Variants in SH2D4B observed in about 807,000 individuals in gnomAD.
SH2D4B encodes the protein SH2 domain-containing protein 4B.
In SH2D4B, 45 loss-of-function variants were observed where a neutral mutation model predicts 61.5. The observed-to-expected ratio is 0.73, with a 90% CI of 0.58 to 0.94. SH2D4B has a LOEUF of 0.94. Among genes scored for constraint, SH2D4B ranks in the 40% least tolerant of loss-of-function variants. The pLI is 0.00. For missense variants in SH2D4B, 572 were observed against 574.2 expected (o/e 1.00, Z 0.04); for synonymous variants, 224 against 220.4 (o/e 1.02, Z -0.14).
intron 1 of SH2D4B, among the ~76,000 whole-genome samples, chr10:80,556,832 A>T (rs1390697726): frequency 6.6e-6 from 1 of 152,194 alleles, no homozygotes; most frequent in African/African-American, 2.4e-5. Context: ...GTAAATGATT[A>T]TGTCATATGC....
chr10:80,538,270 T>G lies in SH2D4B; in HGVS notation c.-62T>G. ...GTAGTGCAGAGCAGCCCCTCGGGCG[T>G]TCTGCCTGGCCCTGCTTCCCCTGCT... On this transcript the variant is annotated 5_prime_UTR_variant, in exon 1 of 8. Transcript: ENST00000646907. The surrounding 1 kb of genome is among the most constrained non-coding windows in gnomAD (Gnocchi z 4.8). 1 of 1,268,404 alleles carries G rather than the reference T, an allele frequency of 7.9e-7. No individual in the cohort carries two copies. The highest frequency in any genetic ancestry group is 1.0e-6 in the Non-Finnish European group (1 of 992,786). 78.6% of individuals were successfully genotyped at this position (1,268,404 alleles called of 1,614,324 possible).
chr10:80,567,332 G>A lies in SH2D4B; in HGVS notation c.185-2822G>A, dbSNP rs116610231. Among the ~76,000 whole-genome samples, 1,356 of 152,332 alleles carry A rather than the reference G, an allele frequency of 8.9e-3. 17 individuals carry two copies. Among genetic ancestry groups the A allele is most frequent in the African/African-American group, 0.031 (1,281 of 41,564 alleles). On this transcript the variant is annotated intron_variant, in intron 1 of 7. Transcript: ENST00000646907. The stretch of plus-strand genomic sequence containing the variant: ...CTGTGGGCTGAGGAAGAGACATAGG[G>A]TGGTGGACATTGCATTGTCACTGTC...
At chr10:80,613,445 A>G (rs1477241326) in intron 6 of SH2D4B, among the ~76,000 whole-genome samples, 3 of 152,250 alleles carry the variant, frequency 2.0e-5, no homozygotes, top group African/African-American at 7.2e-5. Flanking sequence ...AATGTGGTCT[A>G]TGATTTATTG....
intron 6 of SH2D4B, among the ~76,000 whole-genome samples, chr10:80,616,341 A>G (rs1423069094): frequency 6.6e-6 from 1 of 152,230 alleles, no homozygotes; most frequent in Non-Finnish European, 1.5e-5. Context: ...AAAAAGAAGT[A>G]GGTCAGTTGA....
At chr10:80,550,112 G>A (rs1433137994) in intron 1 of SH2D4B, among the ~76,000 whole-genome samples, 1 of 152,138 alleles carries the variant, frequency 6.6e-6, no homozygotes, top group Non-Finnish European at 1.5e-5. Context: ...AAGCTAAGGA[G>A]GATGGGTCGG....
chr10:80,570,772 G>A (rs1467872162), intron 2 of SH2D4B, among the ~76,000 whole-genome samples: 1 of 152,068 alleles, frequency 6.6e-6, no homozygotes, highest in Non-Finnish European at 1.5e-5. Context: ...TCTTATTGGT[G>A]GACATTTGGG....
intron 4 of SH2D4B, among the ~76,000 whole-genome samples, chr10:80,590,400 C>T (rs188478578): frequency 5.9e-5 from 9 of 152,244 alleles, no homozygotes; most frequent in South Asian, 2.1e-4. Context: ...ACTGTCCCTA[C>T]GAATTGGCTA....
intron 3 of SH2D4B, among the ~76,000 whole-genome samples, chr10:80,586,832 T>A: frequency 6.6e-6 from 1 of 152,156 alleles, no homozygotes. Flanking sequence ...GTAACACTCA[T>A]AGTGAAGGTC....
chr10:80,611,434 G>T (rs986921795), intron 6 of SH2D4B, among the ~76,000 whole-genome samples: 1 of 152,214 alleles, frequency 6.6e-6, no homozygotes, highest in Non-Finnish European at 1.5e-5. Context: ...TCTGGCAGAA[G>T]GTTGGACTGG....
chr10:80,551,062 A>AT (rs778138742), intron 1 of SH2D4B, among the ~76,000 whole-genome samples: 9 of 151,852 alleles, frequency 5.9e-5, no homozygotes, highest in Admixed American at 2.6e-4. Context: ...ATTTTATTTT[A>AT]TTTTTTTTGA....
At position 80,644,226 on chromosome 10, in the gene SH2D4B, A is replaced by T; in HGVS notation, c.*141A>T. 1.5e-6 allele frequency: 1 copy of T among 659,930 alleles called. No homozygotes were observed. Among genetic ancestry groups the T allele is most frequent in the Non-Finnish European group, 2.6e-6 (1 of 381,428 alleles). 40.9% of individuals were successfully genotyped at this position (659,930 alleles called of 1,614,324 possible). A position where few individuals can be genotyped will look rare whatever the true frequency, so the allele number is the denominator to read the frequency against. ...AGTAGATTAATATGCCTCAAGGGATATGACATCTATGGCATAGGGCTACTG... is the reference window on the plus strand; with the variant it reads ...AGTAGATTAATATGCCTCAAGGGATTTGACATCTATGGCATAGGGCTACTG... On this transcript the variant is annotated 3_prime_UTR_variant, in exon 8 of 8. Transcript: ENST00000646907.
intron 7 of SH2D4B, among the ~76,000 whole-genome samples, chr10:80,642,540 T>A (rs1014076124): frequency 6.6e-6 from 1 of 152,246 alleles, no homozygotes; most frequent in African/African-American, 2.4e-5. Flanking sequence ...CACTTGTAAT[T>A]TCAGGACATG....
intron 6 of SH2D4B, among the ~76,000 whole-genome samples, chr10:80,611,175 C>CAAAAAAA (rs35997031): frequency 2.2e-5 from 1 of 45,038 alleles, no homozygotes; most frequent in Non-Finnish European, 4.0e-5. Flanking sequence ...GACTCAGTCT[C>CAAAAAAA]AAAAAAAAAA....
chr10:80,563,205 C>T (rs895547319), intron 1 of SH2D4B, among the ~76,000 whole-genome samples: 6 of 152,208 alleles, frequency 3.9e-5, no homozygotes, highest in African/African-American at 1.4e-4. Flanking sequence ...CCGGCCGATG[C>T]TGAACATTTT....
Position 80,572,986 on chromosome 10 carries a change from A to ATTTTT in SH2D4B, c.495+1434_495+1438dup, listed in dbSNP as rs61401607. ...TATATATATATATATATATATATAT[A>ATTTTT]TTTTTTTTTTTTTTTTTTTTTTTTT... On this transcript the variant is annotated intron_variant, in intron 3 of 7. Coordinates refer to ENST00000646907, the MANE Select transcript of SH2D4B (RefSeq NM_001388272.1). Among the ~76,000 whole-genome samples the ATTTTT allele has an allele frequency of 9.0e-4, 8 of 8,878 alleles. 1 individual carries two copies. Among genetic ancestry groups the ATTTTT allele is most frequent in the Admixed American group, 2.4e-3 (1 of 424 alleles). 5.8% of individuals were successfully genotyped at this position (8,878 alleles called of 152,430 possible). A position where few individuals can be genotyped will look rare whatever the true frequency, so the allele number is the denominator to read the frequency against.
At chr10:80,564,321 A>G (rs1841940659) in intron 1 of SH2D4B, among the ~76,000 whole-genome samples, 1 of 152,216 alleles carries the variant, frequency 6.6e-6, no homozygotes, top group African/African-American at 2.4e-5. Context: ...ACTCATGTCA[A>G]GATCACCAGA....
intron 2 of SH2D4B, 142 bp from the exon 3 acceptor site, chr10:80,571,289 A>C (rs1842039049): frequency 1.2e-6 from 1 of 867,248 alleles, no homozygotes; most frequent in African/African-American, 1.7e-5. Flanking sequence ...ATGCGTGAGA[A>C]TGCCTATTTC....
chr10:80,572,706 G>C (rs1842062898), intron 3 of SH2D4B, among the ~76,000 whole-genome samples: 1 of 151,156 alleles, frequency 6.6e-6, no homozygotes, highest in Non-Finnish European at 1.5e-5. Context: ...TGCAACCTCT[G>C]CCTCCCGGGT....
intron 6 of SH2D4B, among the ~76,000 whole-genome samples, chr10:80,630,703 G>A (rs1336281279): frequency 6.6e-6 from 1 of 152,234 alleles, no homozygotes; most frequent in African/African-American, 2.4e-5. Context: ...AAGGTAGAGT[G>A]TAGGCTGCCC....
Sources: gnomAD v4.1 joint callset for allele counts (sites outside exome capture counted in the v4.1 genomes callset) on GRCh38, gnomAD v4.1.1 for gene constraint, Gnocchi (gnomAD v3.1) non-coding constraint, MANE v1.5 for transcripts, NCBI Gene and HGNC (gene_info 2026-07-23, HGNC 2026-07-21) for gene names.